ATRNL1: variants seen among roughly 807,000 people sequenced by gnomAD.
The protein encoded by ATRNL1 is attractin like 1.
Under a neutral mutation model 182.7 loss-of-function variants are expected in ATRNL1, and 95 were observed. The ratio of observed to expected loss-of-function variants is 0.52; its 90% confidence interval spans 0.44 to 0.62. The LOEUF is 0.62. Among genes scored for constraint, ATRNL1 ranks in the 20% least tolerant of loss-of-function variants. The probability of loss-of-function intolerance (pLI) is 0.00; values close to 1 mark genes in which losing one functional copy is unlikely to be tolerated. For missense variants in ATRNL1, 1,471 were observed against 1,679.5 expected, an observed-to-expected ratio of 0.88 and a Z score of 2.17; for synonymous variants, 576 against 568.3, an observed-to-expected ratio of 1.01 and a Z score of -0.19.
At chr10:115,604,198 A>G (rs1483809603) in intron 26 of ATRNL1, among the ~76,000 whole-genome samples, 3 of 152,046 alleles carry the variant, frequency 2.0e-5, no homozygotes, top group Non-Finnish European at 4.4e-5. Flanking sequence ...TGAGGATATG[A>G]ATTTGGTTGT....
chr10:115,182,154 T>G (rs1847773496), intron 8 of ATRNL1, among the ~76,000 whole-genome samples: 1 of 151,618 alleles, frequency 6.6e-6, no homozygotes, highest in South Asian at 2.1e-4. Context: ...CTTTTTGGAA[T>G]TTGCAAAAGG....
intron 27 of ATRNL1, among the ~76,000 whole-genome samples, chr10:115,763,029 G>A (rs1466341092): frequency 6.6e-6 from 1 of 151,922 alleles, no homozygotes; most frequent in African/African-American, 2.4e-5. Flanking sequence ...AGATGGATTG[G>A]GAAGGTTTAA....
At chr10:115,157,536 A>G (rs1044127458) in intron 5 of ATRNL1, among the ~76,000 whole-genome samples, 9 of 151,480 alleles carry the variant, frequency 5.9e-5, no homozygotes, top group Non-Finnish European at 1.2e-4. Context: ...ACATCCTGGA[A>G]CTGCATTCCC....
intron 10 of ATRNL1, among the ~76,000 whole-genome samples, chr10:115,257,299 A>G (rs1851190841): frequency 6.6e-6 from 1 of 152,128 alleles, no homozygotes; most frequent in Admixed American, 6.6e-5. Context: ...TTGCTTTATC[A>G]GTCTGGGTGC....
intron 28 of ATRNL1, among the ~76,000 whole-genome samples, chr10:115,888,322 A>G (rs946028730): frequency 6.6e-5 from 10 of 152,144 alleles, no homozygotes; most frequent in Admixed American, 3.3e-4. Context: ...CACTGTTGTA[A>G]CTCAACATTC....
intron 19 of ATRNL1, among the ~76,000 whole-genome samples, chr10:115,369,227 G>T (rs115939873): frequency 0.013 from 1,853 of 147,316 alleles, 32 homozygotes; most frequent in African/African-American, 0.043. Context: ...AAATATGGGG[G>T]ATGGAGGATT....
At chr10:115,537,940 G>A (rs1323401084) in intron 25 of ATRNL1, among the ~76,000 whole-genome samples, 1 of 152,086 alleles carries the variant, frequency 6.6e-6, no homozygotes, top group Non-Finnish European at 1.5e-5. Context: ...TGTTCTTGCA[G>A]TTTTGCCTTT....
rs1554923240 is a variant in ATRNL1 at position 115,297,891 on chromosome 10, G to A, written c.2416-2143G>A. Reference sequence around the variant, plus strand: ...TGCATATTTCAAGATTGTTATGTTAGTGTTCACTTTTTCTTCCCTATTATA... The same window carrying A: ...TGCATATTTCAAGATTGTTATGTTAATGTTCACTTTTTCTTCCCTATTATA... On this transcript the variant is annotated intron_variant, in intron 15 of 28. Coordinates refer to ENST00000355044, the MANE Select transcript of ATRNL1 (RefSeq NM_207303.4). Among the ~76,000 whole-genome samples the A allele has an allele frequency of 2.6e-5, 4 of 152,080 alleles. No homozygotes were observed. In the South Asian group the frequency reaches 8.3e-4, roughly 32 times the overall value.
intron 26 of ATRNL1, among the ~76,000 whole-genome samples, chr10:115,641,709 T>C (rs1366220726): frequency 6.6e-6 from 1 of 152,138 alleles, no homozygotes; most frequent in Non-Finnish European, 1.5e-5. Context: ...TATGTTAAAA[T>C]TTTTGTAATT....
intron 24 of ATRNL1, among the ~76,000 whole-genome samples, chr10:115,481,288 AT>A (rs1238733727): frequency 2.7e-5 from 4 of 150,680 alleles, no homozygotes; most frequent in South Asian, 4.2e-4. Flanking sequence ...ATTTGGAGTT[AT>A]TTTTGTTTTA....
intron 9 of ATRNL1, among the ~76,000 whole-genome samples, chr10:115,221,614 T>C (rs956034957): frequency 6.6e-6 from 1 of 152,138 alleles, no homozygotes. Context: ...TTTGTGTAAT[T>C]TTAACCTTGA....
At chr10:115,642,449 TTC>T (rs1491430134) in intron 26 of ATRNL1, among the ~76,000 whole-genome samples, 1 of 151,066 alleles carries the variant, frequency 6.6e-6, no homozygotes, top group African/African-American at 2.5e-5. Context: ...GCTTTTTTTT[TTC>T]TTTTTTTTTG....
At chr10:115,350,353 A>C (rs1342848853) in intron 19 of ATRNL1, among the ~76,000 whole-genome samples, 8 of 150,562 alleles carry the variant, frequency 5.3e-5, no homozygotes, top group South Asian at 4.2e-4. Context: ...AAAGAAAAAA[A>C]AAAAAAAAAA....
At chr10:115,252,725 G>A (rs538870836) in intron 10 of ATRNL1, among the ~76,000 whole-genome samples, 2 of 152,154 alleles carry the variant, frequency 1.3e-5, no homozygotes, top group East Asian at 3.9e-4. Context: ...CTCGTTATAT[G>A]GTACTGAGGA....
At chr10:115,426,323 C>A in intron 21 of ATRNL1, 21 bp downstream of exon 21, 1 of 1,553,278 alleles carries the variant, frequency 6.4e-7, no homozygotes, top group Non-Finnish European at 8.8e-7. Context: ...GTGTATTCTT[C>A]ATTTTAAATA....
intron 19 of ATRNL1, among the ~76,000 whole-genome samples, chr10:115,389,396 C>A (rs1156575000): frequency 2.0e-5 from 3 of 149,900 alleles, no homozygotes; most frequent in Non-Finnish European, 4.4e-5. Flanking sequence ...GCTTGTAATC[C>A]CAGCTACTCG....
At chr10:115,350,355 A>C (rs1396152043) in intron 19 of ATRNL1, among the ~76,000 whole-genome samples, 2 of 150,592 alleles carry the variant, frequency 1.3e-5, no homozygotes, top group African/African-American at 2.4e-5. Context: ...AGAAAAAAAA[A>C]AAAAAAAAAG....
intron 21 of ATRNL1, among the ~76,000 whole-genome samples, chr10:115,439,345 A>G (rs927126841): frequency 1.3e-5 from 2 of 151,960 alleles, no homozygotes; most frequent in Non-Finnish European, 2.9e-5. Flanking sequence ...GTAAGTATAC[A>G]TCATGTGAAA....
At chr10:115,438,470 A>G (rs1554965125) in intron 21 of ATRNL1, among the ~76,000 whole-genome samples, 1 of 151,972 alleles carries the variant, frequency 6.6e-6, no homozygotes. Flanking sequence ...CTTTTTATGC[A>G]TATACATTTT....
Sources: allele counts gnomAD v4.1 joint callset (sites outside exome capture counted in the v4.1 genomes callset), GRCh38; gene constraint gnomAD v4.1.1; transcripts MANE v1.5; gene names NCBI Gene and HGNC (gene_info 2026-07-23, HGNC 2026-07-21).